Variants in DGKD observed in about 807,000 individuals in gnomAD.
DGKD encodes the protein diacylglycerol kinase delta.
A neutral mutation model predicts 154.4 loss-of-function variants in DGKD; 68 were observed. The observed-to-expected ratio is 0.44, with a 90% CI of 0.36 to 0.54. The LOEUF (loss-of-function observed/expected upper bound fraction) is 0.54. Among genes scored for constraint, DGKD ranks in the 20% least tolerant of loss-of-function variants. DGKD has a pLI of 0.00. For missense variants in DGKD, 1,343 were observed against 1,593.6 expected (o/e 0.84, Z 2.68); for synonymous variants, 693 against 638.0 (o/e 1.09, Z -1.30).
intron 1 of DGKD, among the ~76,000 whole-genome samples, chr2:233,379,538 G>T (rs1702774253): frequency 1.3e-5 from 2 of 152,090 alleles, no homozygotes; most frequent in African/African-American, 4.8e-5. Flanking sequence ...GTGGCTCCCT[G>T]CCCCCTCCCA....
At chr2:233,385,847 A>G (rs1438673619) in intron 1 of DGKD, 3 of 427,156 alleles carry the variant, frequency 7.0e-6, no homozygotes, top group Non-Finnish European at 1.4e-5. Context: ...CTTCAAAGAA[A>G]TAATGGTCTT....
intron 3 of DGKD, among the ~76,000 whole-genome samples, chr2:233,417,796 A>G (rs905499770): frequency 3.3e-5 from 5 of 152,158 alleles, no homozygotes; most frequent in African/African-American, 1.2e-4. Flanking sequence ...TGGCCTGAAG[A>G]GGACATTTGG....
At chr2:233,461,052 A>C (rs1042650692) in intron 24 of DGKD, among the ~76,000 whole-genome samples, 1 of 149,284 alleles carries the variant, frequency 6.7e-6, no homozygotes, top group African/African-American at 2.5e-5. Flanking sequence ...CTGCTGGGGC[A>C]TTTCCTCTCA....
rs1014880541 is a variant in DGKD, at chr2:233,445,069, C to T, written c.1195-554C>T. On this transcript the variant is annotated intron_variant, in intron 10 of 29. Transcript: ENST00000264057. This position sits in a 1 kb window ranked among gnomAD's most constrained non-coding sequence, Gnocchi z 5.5. ...GTCTCTTCCTGGAACAGCAGGCAGG[C>T]GGGCAGAGGCTGAGCTCTGGCAAGG... Among the ~76,000 whole-genome samples the T allele has an allele frequency of 1.3e-5, 2 of 152,076 alleles. No individual in the cohort carries two copies. Among genetic ancestry groups the T allele is most frequent in the African/African-American group, 2.4e-5 (1 of 41,396 alleles).
At chr2:233,355,809 G>A (rs1701509870) in intron 1 of DGKD, among the ~76,000 whole-genome samples, 2 of 152,210 alleles carry the variant, frequency 1.3e-5, no homozygotes, top group Admixed American at 1.3e-4. Context: ...ACTTTCTTGG[G>A]TTAGCTTTAC....
At chr2:233,387,768 G>A (rs547583431) in intron 1 of DGKD, among the ~76,000 whole-genome samples, 8 of 152,154 alleles carry the variant, frequency 5.3e-5, no homozygotes, top group South Asian at 2.1e-4. Context: ...GGCTGAGGGC[G>A]CGGGCCTGGA....
intron 3 of DGKD, among the ~76,000 whole-genome samples, chr2:233,416,681 C>T (rs778290922): frequency 1.3e-5 from 2 of 152,152 alleles, no homozygotes; most frequent in Admixed American, 6.5e-5. Flanking sequence ...AAAGCATTCC[C>T]GTTTCTCTCC....
chr2:233,438,430 A>C lies in DGKD; in HGVS notation c.1085+51A>C, dbSNP rs2062770531. 6.5e-7 allele frequency: 1 copy of C among 1,540,150 alleles called. No homozygotes were observed. Reference sequence around the variant, plus strand: ...TCTTGGAGTTTTAAAAATTGTGTAGATAGTGTGTGCTTGTTAAAAAAAAAA... The same window carrying C: ...TCTTGGAGTTTTAAAAATTGTGTAGCTAGTGTGTGCTTGTTAAAAAAAAAA... On this transcript the variant is annotated intron_variant, in intron 9 of 29. Transcript: ENST00000264057. This position sits in a 1 kb window ranked among gnomAD's most constrained non-coding sequence, Gnocchi z 4.1.
In DGKD at chr2:233,440,688, G is replaced by A. The variant is rs1017258259; in HGVS notation, c.1086-1199G>A. The stretch of plus-strand genomic sequence containing the variant: ...CAGCAGCAGAAAGGTGGCACCTGCC[G>A]TCAGGGAGGGCTGCGGGTGCTGGCC... On this transcript the variant is annotated intron_variant, in intron 9 of 29. Coordinates refer to ENST00000264057, the MANE Select transcript of DGKD (RefSeq NM_152879.3). This position sits in a 1 kb window ranked among gnomAD's most constrained non-coding sequence, Gnocchi z 4.9. Among the ~76,000 whole-genome samples the A allele has an allele frequency of 9.2e-5, 14 of 152,326 alleles. No individual in the cohort carries two copies. Among genetic ancestry groups the A allele is most frequent in the Non-Finnish European group, 1.3e-4 (9 of 68,028 alleles).
chr2:233,363,905 T>G (rs1050950387), intron 1 of DGKD, among the ~76,000 whole-genome samples: 2 of 152,230 alleles, frequency 1.3e-5, no homozygotes, highest in East Asian at 1.9e-4. Context: ...CACTCTGTGA[T>G]GTTCACATAG....
chr2:233,372,786 C>T (rs186095548), intron 1 of DGKD, among the ~76,000 whole-genome samples: 110 of 152,142 alleles, frequency 7.2e-4, no homozygotes, highest in African/African-American at 2.5e-3. Context: ...TGGGTATAAC[C>T]ATTTGGGAAA....
chr2:233,415,096 C>T (rs150989714), intron 3 of DGKD, among the ~76,000 whole-genome samples: 17 of 152,326 alleles, frequency 1.1e-4, no homozygotes, highest in African/African-American at 4.1e-4. Context: ...ACTTTGGACT[C>T]TGTCCCTGCT....
Position 233,382,435 on chromosome 2 carries a change from A to T in DGKD, c.157-5822A>T, listed in dbSNP as rs549250026. 4.6e-5 allele frequency among the ~76,000 whole-genome samples: 7 copies of T among 152,274 alleles called. No homozygotes were observed. The East Asian group carries it at 1.2e-3, about 25-fold the overall frequency. Reference sequence around the variant, plus strand: ...TTTGTTGTTGTTGAAGGACCGGGGAAGTCTAAAGGACAGATAGGTGGCTGA... The same window carrying T: ...TTTGTTGTTGTTGAAGGACCGGGGATGTCTAAAGGACAGATAGGTGGCTGA... On this transcript the variant is annotated intron_variant, in intron 1 of 29. Transcript: ENST00000264057.
intron 3 of DGKD, among the ~76,000 whole-genome samples, chr2:233,432,616 GCCACTGCACACCAGC>G (rs1251507273): frequency 6.6e-6 from 1 of 152,148 alleles, no homozygotes; most frequent in Non-Finnish European, 1.5e-5. Flanking sequence ...CGGAGATTGC[GCCACTGCACACCAGC>G]CTGGGGGACA....
At position 233,459,426 on chromosome 2, in the gene DGKD, G is replaced by A. The variant is rs531470227; in HGVS notation, c.2695-331G>A. 7.9e-5 allele frequency among the ~76,000 whole-genome samples: 12 copies of A among 152,074 alleles called. No homozygotes were observed. The highest frequency in any genetic ancestry group is 1.8e-4 in the Non-Finnish European group (12 of 68,012). On this transcript the variant is annotated intron_variant, in intron 22 of 29. Transcript: ENST00000264057. The surrounding 1 kb of genome is among the most constrained non-coding windows in gnomAD (Gnocchi z 5.7). The stretch of plus-strand genomic sequence containing the variant: ...TGCTCTTTTCTAGGGGTGTTTTCAC[G>A]TGGCAGGGGCCCAGTGGCTTCTGGG...
At position 233,467,120 on chromosome 2, in the gene DGKD, G is replaced by A; in HGVS notation, c.3341G>A (p.Ser1114Asn). The A allele has an allele frequency of 6.2e-7, 1 of 1,614,244 alleles. No individual in the cohort carries two copies. The highest frequency in any genetic ancestry group is 8.5e-7 in the Non-Finnish European group (1 of 1,180,038). The change falls in exon 28 of 30, where the codon AGT (serine) becomes AAT (asparagine). Residue 1114 changes from serine (S) to asparagine (N), a missense_variant. Transcript: ENST00000264057. ...CTGGATCTTGCCAAGCGCAGTCGCA[G>A]TGGTAAATTCCGCCTCGTGACCAAG... Reference protein sequence around the residue: ...VMLDLAKRSRSGKFRLVTKFK... With the variant: ...VMLDLAKRSRNGKFRLVTKFK...
chr2:233,369,351 GT>G (rs1324486879), intron 1 of DGKD, among the ~76,000 whole-genome samples: 3 of 152,146 alleles, frequency 2.0e-5, no homozygotes, highest in Admixed American at 2.0e-4. Flanking sequence ...TAGTGTGATT[GT>G]TTTTGTTTTC....
Position 233,449,833 on chromosome 2 carries a change from G to A in DGKD, c.1889-149G>A, listed in dbSNP as rs1575145737. 1.1e-6 allele frequency: 1 copy of A among 909,674 alleles called. No individual in the cohort carries two copies. Among genetic ancestry groups the A allele is most frequent in the East Asian group, 2.8e-5 (1 of 35,262 alleles). The allele number at this position is 909,674 out of a possible 1,614,324, so 56.4% of individuals were successfully genotyped here. On this transcript the variant is annotated intron_variant, in intron 15 of 29. Transcript: ENST00000264057. This position sits in a 1 kb window ranked among gnomAD's most constrained non-coding sequence, Gnocchi z 5.3. ...GCCAGGACCAGGGGGAAGATGGGTG[G>A]GGGTGGGGTTTCGGAGTCCAAGCCT... is the stretch of plus-strand genomic sequence containing the variant.
In DGKD at chr2:233,452,772, C is replaced by T. The variant is rs150438698; in HGVS notation, c.2264+712C>T. On this transcript the variant is annotated intron_variant, in intron 18 of 29. Transcript: ENST00000264057. The surrounding 1 kb of genome is among the most constrained non-coding windows in gnomAD (Gnocchi z 4.0). The stretch of plus-strand genomic sequence containing the variant: ...AGTGGTGTTTTGAAAACCTGTTTTT[C>T]TGCACTCATCTTTATGCTGGCTGAT... Among the ~76,000 whole-genome samples, 11 of 152,302 alleles carry T rather than the reference C, an allele frequency of 7.2e-5. No individual in the cohort carries two copies. The highest frequency in any genetic ancestry group is 2.6e-4 in the African/African-American group (11 of 41,558).
Sources: allele counts gnomAD v4.1 joint callset (sites outside exome capture counted in the v4.1 genomes callset), GRCh38; gene constraint gnomAD v4.1.1; non-coding constraint Gnocchi (gnomAD v3.1); transcripts MANE v1.5; gene names NCBI Gene and HGNC (gene_info 2026-07-23, HGNC 2026-07-21).